Variants in COX7B2 observed in about 807,000 individuals in gnomAD.
COX7B2 encodes the protein cytochrome c oxidase subunit 7B2, mitochondrial.
For missense variants in COX7B2, 109 were observed against 95.9 expected (o/e 1.14, Z -0.57); for synonymous variants, 37 against 32.1 (o/e 1.15, Z -0.51).
intron 2 of COX7B2, among the ~76,000 whole-genome samples, chr4:46,837,707 G>A (rs2109746428): frequency 6.6e-6 from 1 of 151,952 alleles, no homozygotes; most frequent in East Asian, 1.9e-4. Context: ...ATAAAAATAA[G>A]GATAAGATAA....
At chr4:46,782,089 G>A (rs753348226) in intron 2 of COX7B2, among the ~76,000 whole-genome samples, 37 of 152,294 alleles carry the variant, frequency 2.4e-4, no homozygotes, top group Admixed American at 1.5e-3. Context: ...TGGCCCCTGC[G>A]CAGGATCCAC....
At chr4:46,833,819 A>C (rs1715329063) in intron 2 of COX7B2, among the ~76,000 whole-genome samples, 1 of 151,910 alleles carries the variant, frequency 6.6e-6, no homozygotes, top group African/African-American at 2.4e-5. Flanking sequence ...AGAAGTGTGC[A>C]AAAAAAATAT....
At chr4:46,824,513 C>T (rs1714537410) in intron 2 of COX7B2, among the ~76,000 whole-genome samples, 1 of 151,988 alleles carries the variant, frequency 6.6e-6, no homozygotes, top group African/African-American at 2.4e-5. Flanking sequence ...TATGTGATTA[C>T]AGTTAAGAGA....
chr4:46,884,502 A>C (rs529119309), intron 1 of COX7B2, among the ~76,000 whole-genome samples: 2 of 152,366 alleles, frequency 1.3e-5, no homozygotes, highest in South Asian at 4.1e-4. Context: ...AAATTAGCTC[A>C]TATGTGATCA....
intron 1 of COX7B2, among the ~76,000 whole-genome samples, chr4:46,894,548 T>G (rs909967257): frequency 6.6e-6 from 1 of 152,112 alleles, no homozygotes; most frequent in East Asian, 1.9e-4. Context: ...GAAGACAACC[T>G]AGGCAATACC....
chr4:46,808,286 T>A (rs748303204), intron 2 of COX7B2, among the ~76,000 whole-genome samples: 28 of 151,822 alleles, frequency 1.8e-4, no homozygotes, highest in Non-Finnish European at 3.7e-4. Flanking sequence ...GATGCTATTG[T>A]AAATGGAATT....
intron 2 of COX7B2, among the ~76,000 whole-genome samples, chr4:46,735,941 C>T (rs1222880359): frequency 6.6e-6 from 1 of 152,122 alleles, no homozygotes; most frequent in Non-Finnish European, 1.5e-5. Context: ...TGACCCTATA[C>T]ACCCACAGCC....
At chr4:46,853,522 C>T (rs931626969) in intron 1 of COX7B2, among the ~76,000 whole-genome samples, 5 of 152,024 alleles carry the variant, frequency 3.3e-5, no homozygotes, top group African/African-American at 1.2e-4. Flanking sequence ...ATGATTACAG[C>T]AGTTATGTAC....
chr4:46,852,999 A>C (rs1020311222), intron 1 of COX7B2, among the ~76,000 whole-genome samples: 1 of 152,202 alleles, frequency 6.6e-6, no homozygotes, highest in Non-Finnish European at 1.5e-5. Context: ...TTAGGCATAC[A>C]TTATAGTGCT....
intron 1 of COX7B2, among the ~76,000 whole-genome samples, chr4:46,853,984 G>A (rs1431970869): frequency 6.6e-6 from 1 of 152,138 alleles, no homozygotes; most frequent in African/African-American, 2.4e-5. Context: ...GATAATTCAA[G>A]TGAAGGTTAA....
At chr4:46,893,824 A>G (rs1560441785) in intron 1 of COX7B2, among the ~76,000 whole-genome samples, 1 of 152,158 alleles carries the variant, frequency 6.6e-6, no homozygotes, top group African/African-American at 2.4e-5. Context: ...CAAAGAGTAT[A>G]TAGTTTTAAA....
chr4:46,858,274 A>G (rs929540693), intron 1 of COX7B2, among the ~76,000 whole-genome samples: 6 of 151,990 alleles, frequency 3.9e-5, no homozygotes, highest in Admixed American at 2.0e-4. Context: ...TTATATTTTT[A>G]GTAGAGATGG....
intron 1 of COX7B2, among the ~76,000 whole-genome samples, chr4:46,879,591 T>A (rs1289414691): frequency 1.3e-5 from 2 of 151,982 alleles, no homozygotes; most frequent in African/African-American, 4.8e-5. Flanking sequence ...TAAATGATGA[T>A]CCATTAGAGT....
At chr4:46,824,913 A>G (rs749255254) in intron 2 of COX7B2, among the ~76,000 whole-genome samples, 4 of 152,146 alleles carry the variant, frequency 2.6e-5, no homozygotes, top group Non-Finnish European at 4.4e-5. Flanking sequence ...TGACAAACCC[A>G]CAACCAACGT....
chr4:46,799,055 T>C (rs1718513986), intron 2 of COX7B2, among the ~76,000 whole-genome samples: 1 of 152,186 alleles, frequency 6.6e-6, no homozygotes, highest in African/African-American at 2.4e-5. Flanking sequence ...AAGGAAGTCA[T>C]ACAAACTTCA....
intron 2 of COX7B2, among the ~76,000 whole-genome samples, chr4:46,833,165 A>G (rs949751951): frequency 1.3e-5 from 2 of 152,306 alleles, no homozygotes; most frequent in Middle Eastern, 3.4e-3. Context: ...TCGGCCTCCC[A>G]GAGTGCTGGG....
At chr4:46,754,213 G>A (rs1202160801) in intron 2 of COX7B2, among the ~76,000 whole-genome samples, 3 of 151,872 alleles carry the variant, frequency 2.0e-5, no homozygotes, top group Non-Finnish European at 2.9e-5. Context: ...CCATTACTAG[G>A]TATATACCCA....
chr4:46,863,838 A>C (rs1717484562), intron 1 of COX7B2, among the ~76,000 whole-genome samples: 1 of 152,150 alleles, frequency 6.6e-6, no homozygotes, highest in African/African-American at 2.4e-5. Flanking sequence ...TTGAAACTTT[A>C]TATTTGACCT....
At chr4:46,762,510 T>G (rs1187463451) in intron 2 of COX7B2, among the ~76,000 whole-genome samples, 2 of 142,644 alleles carry the variant, frequency 1.4e-5, no homozygotes, top group Non-Finnish European at 3.0e-5. Context: ...TATATTATGA[T>G]TAAGTAGAAA....
Sources: gnomAD v4.1 joint callset for allele counts (sites outside exome capture counted in the v4.1 genomes callset) on GRCh38, gnomAD v4.1.1 for gene constraint, MANE v1.5 for transcripts, NCBI Gene and HGNC (gene_info 2026-07-23, HGNC 2026-07-21) for gene names.